GNG4: variants seen among roughly 807,000 people sequenced by gnomAD.
GNG4 encodes G protein subunit gamma 4.
GNG4 carries 4 observed loss-of-function variants against 5.8 expected under a neutral mutation model. The observed-to-expected ratio is 0.69, with a 90% CI of 0.34 to 1.57. GNG4 has a LOEUF of 1.57. GNG4 is among the 40% of genes most tolerant of loss of function. GNG4 has a pLI of 0.06. For missense variants in GNG4, 96 were observed against 95.1 expected (o/e 1.01, Z -0.04); for synonymous variants, 29 against 32.9 (o/e 0.88, Z 0.41).
At chr1:235,600,881 C>A (rs1477726985) in intron 1 of GNG4, among the ~76,000 whole-genome samples, 2 of 152,248 alleles carry the variant, frequency 1.3e-5, no homozygotes, top group Non-Finnish European at 2.9e-5. Context: ...TAACTGGGAG[C>A]CCCTCAAGGG....
intron 1 of GNG4, among the ~76,000 whole-genome samples, chr1:235,632,504 G>C (rs1358405201): frequency 3.9e-5 from 6 of 152,220 alleles, no homozygotes; most frequent in African/African-American, 1.2e-4. Flanking sequence ...CTGGAGATGT[G>C]GTTTAACCAA....
chr1:235,616,558 G>A (rs1227915458), intron 1 of GNG4, among the ~76,000 whole-genome samples: 1 of 152,172 alleles, frequency 6.6e-6, no homozygotes, highest in Non-Finnish European at 1.5e-5. Context: ...TGTTTACAAT[G>A]CTCTGTCCTA....
chr1:235,573,764 G>C (rs1687409869), intron 3 of GNG4, among the ~76,000 whole-genome samples: 2 of 151,982 alleles, frequency 1.3e-5, no homozygotes, highest in African/African-American at 4.8e-5. Context: ...GTGACAGAGT[G>C]AGATTCCATC....
At chr1:235,595,142 G>T (rs577712432) in intron 2 of GNG4, among the ~76,000 whole-genome samples, 1 of 152,296 alleles carries the variant, frequency 6.6e-6, no homozygotes, top group South Asian at 2.1e-4. Context: ...CTCCTCCCCT[G>T]CTCCCCCAAC....
At chr1:235,587,599 GA>G (rs1558486329) in intron 2 of GNG4, among the ~76,000 whole-genome samples, 26 of 1,104 alleles carry the variant, frequency 0.024, no homozygotes, top group Non-Finnish European at 0.038. Flanking sequence ...GTGAGTGTGG[GA>G]GGGCATGGGG....
rs925466248 is a variant in GNG4, at chr1:235,551,047, G to A, written c.*1062C>T. 3 of 152,600 alleles carry A rather than the reference G, an allele frequency of 2.0e-5. No individual in the cohort carries two copies. The highest frequency in any genetic ancestry group is 7.2e-5 in the African/African-American group (3 of 41,442). 9.5% of individuals were successfully genotyped at this position (152,600 alleles called of 1,614,324 possible). ...GAACTACTGAGTAGGAGCCAAAAGA[G>A]GAGGGAGCAGGAAGAGGTGGCATTT... On this transcript the variant is annotated 3_prime_UTR_variant, in exon 4 of 4. Transcript: ENST00000391854.
In GNG4 at chr1:235,624,476, CAGTT is replaced by C. The variant is rs368502126; in HGVS notation, c.-123+25182_-123+25185del. ...GCTATTTTTACAAAGTAGAAAGTGA[CAGTT>C]AGAGGAAAATGATAATTTTGAGTTT... On this transcript the variant is annotated intron_variant, in intron 1 of 3. Transcript: ENST00000391854. Among the ~76,000 whole-genome samples the C allele has an allele frequency of 4.8e-3, 729 of 152,148 alleles. 4 individuals carry two copies. The highest frequency in any genetic ancestry group is 0.016 in the African/African-American group (682 of 41,512).
At chr1:235,560,720 C>T (rs1687038236) in intron 3 of GNG4, among the ~76,000 whole-genome samples, 1 of 152,156 alleles carries the variant, frequency 6.6e-6, no homozygotes, top group African/African-American at 2.4e-5. Flanking sequence ...TAGAAGAGAT[C>T]CCTTTCTAAG....
At chr1:235,595,059 C>G (rs1688091736) in intron 2 of GNG4, among the ~76,000 whole-genome samples, 1 of 151,734 alleles carries the variant, frequency 6.6e-6, no homozygotes, top group Non-Finnish European at 1.5e-5. Flanking sequence ...GCAATAGCAT[C>G]TCTTTTCCCA....
intron 3 of GNG4, among the ~76,000 whole-genome samples, chr1:235,569,502 AACTG>A (rs1468054024): frequency 6.6e-6 from 1 of 150,952 alleles, no homozygotes; most frequent in African/African-American, 2.4e-5. Flanking sequence ...TATTTGTCCT[AACTG>A]ACTGCTTCTT....
intron 1 of GNG4, among the ~76,000 whole-genome samples, chr1:235,606,920 C>T (rs1467492816): frequency 2.7e-5 from 4 of 150,758 alleles, no homozygotes; most frequent in Non-Finnish European, 5.9e-5. Flanking sequence ...CCTTCCTTCC[C>T]TCCCTCCCTC....
rs139343840 is a variant in GNG4 at position 235,584,959 on chromosome 1, T to C, written c.-10-1111A>G. On this transcript the variant is annotated intron_variant, in intron 2 of 3. Coordinates refer to ENST00000391854, the MANE Select transcript of GNG4 (RefSeq NM_001098722.2). ...AGTATGTAAAGCAGCAACCATACTT[T>C]CAAAGTTAAAATGATGCAAATTGAT... Among the ~76,000 whole-genome samples, 493 of 152,352 alleles carry C rather than the reference T, an allele frequency of 3.2e-3. 5 individuals are homozygous for C. The highest frequency in any genetic ancestry group is 0.011 in the African/African-American group (465 of 41,580).
chr1:235,580,976 T>A (rs1351026000), intron 3 of GNG4, among the ~76,000 whole-genome samples: 1 of 152,124 alleles, frequency 6.6e-6, no homozygotes, highest in East Asian at 1.9e-4. Context: ...AGTCTCGAAC[T>A]CCTGACCTCA....
At chr1:235,650,278 G>T (rs868724414), upstream of GNG4, among the ~76,000 whole-genome samples, 4 of 1,552 alleles carry the variant, frequency 2.6e-3, no homozygotes, top group Non-Finnish European at 5.6e-3. Context: ...GGTCTGGGGG[G>T]CGCGGCGGGG....
chr1:235,582,483 C>T (rs1333170341), intron 3 of GNG4, among the ~76,000 whole-genome samples: 2 of 152,340 alleles, frequency 1.3e-5, no homozygotes, highest in East Asian at 3.9e-4. Context: ...CTTCACATTT[C>T]TCTCCCAGGA....
chr1:235,596,711 T>G (rs1688133171), intron 1 of GNG4, among the ~76,000 whole-genome samples: 2 of 152,050 alleles, frequency 1.3e-5, no homozygotes. Flanking sequence ...ATCAGACGAC[T>G]CGAAAGCTCT....
At chr1:235,638,941 T>C (rs1217444695) in intron 1 of GNG4, among the ~76,000 whole-genome samples, 1 of 152,204 alleles carries the variant, frequency 6.6e-6, no homozygotes, top group Non-Finnish European at 1.5e-5. Context: ...GTCTTTGCTA[T>C]TGTAAATAGT....
At chr1:235,615,590 C>A (rs961606434) in intron 1 of GNG4, 1 of 216,664 alleles carries the variant, frequency 4.6e-6, no homozygotes. Context: ...GATTTCAACC[C>A]TCTGGAAGAT....
chr1:235,627,581 G>T (rs560896025), intron 1 of GNG4, among the ~76,000 whole-genome samples: 1 of 152,130 alleles, frequency 6.6e-6, no homozygotes, highest in African/African-American at 2.4e-5. Context: ...TGTCTGGTAC[G>T]GCACAGGGGG....
Sources: allele counts gnomAD v4.1 joint callset (sites outside exome capture counted in the v4.1 genomes callset), GRCh38; gene constraint gnomAD v4.1.1; transcripts MANE v1.5; gene names NCBI Gene and HGNC (gene_info 2026-07-23, HGNC 2026-07-21).